Variants in SETD1B observed in about 807,000 individuals in gnomAD.
SETD1B encodes the protein histone-lysine N-methyltransferase SETD1B.
A neutral mutation model predicts 148.0 loss-of-function variants in SETD1B; 7 were observed. That is an observed-to-expected ratio of 0.05 (90% CI 0.03 to 0.09). The LOEUF is 0.09. Among genes scored for constraint, SETD1B ranks in the 10% least tolerant of loss-of-function variants. The pLI is 1.00. For synonymous variants in SETD1B, 1,361 were observed against 1,186.5 expected, an observed-to-expected ratio of 1.15 and a Z score of -3.02; for missense variants, 2,155 against 2,729.9, an observed-to-expected ratio of 0.79 and a Z score of 4.69.
intron 16 of SETD1B, among the ~76,000 whole-genome samples, chr12:121,829,374 C>T (rs1457896933): frequency 1.3e-5 from 2 of 152,176 alleles, no homozygotes; most frequent in Admixed American, 1.3e-4. Flanking sequence ...CGGGACTGAA[C>T]TCACCGGCCC....
Position 121,823,214 on chromosome 12 carries a change from T to C in SETD1B, c.4635T>C (p.Leu1545=), listed in dbSNP as rs1876663491. ...TCCGACCACCAGCAGGGGCCGCCCTTGGAAGGGAACTCCTGCTCCTGCCGG... is the reference window on the plus strand; with the variant it reads ...TCCGACCACCAGCAGGGGCCGCCCTCGGAAGGGAACTCCTGCTCCTGCCGG... ...PLVRPPAGAA[L]GRELLLLPGQ... Residue 1545 remains leucine (L), a synonymous_variant, in exon 12 of 17, where the codon CTT becomes CTC. Transcript: ENST00000604567. The C allele has an allele frequency of 6.5e-7, 1 of 1,549,216 alleles. No individual in the cohort carries two copies. Among genetic ancestry groups the C allele is most frequent in the Non-Finnish European group, 8.7e-7 (1 of 1,146,790 alleles).
chr12:121,831,620 CAAAAAAAAAG>C lies in SETD1B; in HGVS notation c.*1382_*1391del, dbSNP rs977773781. 2.7e-5 allele frequency: 4 copies of C among 148,422 alleles called. No homozygotes were observed. The highest frequency in any genetic ancestry group is 9.9e-5 in the African/African-American group (4 of 40,302). 9.2% of individuals were successfully genotyped at this position (148,422 alleles called of 1,614,324 possible). On this transcript the variant is annotated 3_prime_UTR_variant, in exon 17 of 17. Transcript: ENST00000604567. ...TTTTTTGCTCATTTCTTTGTACTTCCAAAAAAAAAGGAAAAAAAAGACAAAAGCAAGTCCC... is the reference window on the plus strand; with the variant it reads ...TTTTTTGCTCATTTCTTTGTACTTCCGAAAAAAAAGACAAAAGCAAGTCCC...
rs563303610 is a variant in SETD1B at position 121,819,654 on chromosome 12, T to C, written c.3669T>C (p.Pro1223=). The C allele has an allele frequency of 6.4e-7, 1 of 1,551,466 alleles. No homozygotes were observed. Among genetic ancestry groups the C allele is most frequent in the Admixed American group, 2.0e-5 (1 of 50,994 alleles). The change falls in exon 11 of 17, where the codon CCT becomes CCC. Residue 1223 remains proline, a synonymous_variant. Coordinates refer to ENST00000604567, the MANE Select transcript of SETD1B (RefSeq NM_001353345.2). The stretch of plus-strand genomic sequence containing the variant: ...AAGCGGCTCTGGCCCCGGGGGCACC[T>C]GCAGTGGACTCGTTGGGCATGGAAG... The part of the protein sequence containing the change: ...GEEAALAPGA[P]AVDSLGMEEE...
At chr12:121,828,432 C>G (rs1467651595) in intron 16 of SETD1B, among the ~76,000 whole-genome samples, 1 of 152,246 alleles carries the variant, frequency 6.6e-6, no homozygotes, top group Non-Finnish European at 1.5e-5. Flanking sequence ...TCCACTAGAA[C>G]TTTCTGCAAG....
In SETD1B at chr12:121,810,950, A is replaced by T. The variant is rs1055106371; in HGVS notation, c.1890+115A>T. On this transcript the variant is annotated intron_variant, in intron 6 of 16. Transcript: ENST00000604567. The surrounding 1 kb of genome is among the most constrained non-coding windows in gnomAD (Gnocchi z 7.6). Reference sequence around the variant, plus strand: ...AGATGCGGAAGCAATGGGGCTAGGAAAGCCAATATAACAGGTGGAACTTAC... The same window carrying T: ...AGATGCGGAAGCAATGGGGCTAGGATAGCCAATATAACAGGTGGAACTTAC... 5.4e-6 allele frequency: 7 copies of T among 1,285,552 alleles called. No individual in the cohort carries two copies. The African/African-American group carries it at 9.0e-5, about 17-fold the overall frequency. The allele number at this position is 1,285,552 out of a possible 1,614,324, so 79.6% of individuals were successfully genotyped here.
chr12:121,803,559 G>C (rs1256959317), upstream of SETD1B: 2 of 152,072 alleles, frequency 1.3e-5, no homozygotes, highest in Non-Finnish European at 2.9e-5. The surrounding 1 kb of genome is among the most constrained non-coding windows in gnomAD (Gnocchi z 4.7). Flanking sequence ...AGTCGACGCC[G>C]GCCTCCCCCC....
In SETD1B at chr12:121,825,182, C is replaced by A. The variant is rs1362717754; in HGVS notation, c.5171-18C>A. On this transcript the variant is annotated intron_variant, in intron 12 of 16. Coordinates refer to ENST00000604567, the MANE Select transcript of SETD1B (RefSeq NM_001353345.2). Reference sequence around the variant, plus strand: ...AGGGGCTCTCAGAATGTCCATGTGGCCCTTGACCCACACCCACCCACCAGC... The same window carrying A: ...AGGGGCTCTCAGAATGTCCATGTGGACCTTGACCCACACCCACCCACCAGC... 9 of 1,550,348 alleles carry A rather than the reference C, an allele frequency of 5.8e-6. No homozygotes were observed. The highest frequency in any genetic ancestry group is 2.7e-5 in the African/African-American group (2 of 73,098).
intron 15 of SETD1B, 34 bp from the exon 16 acceptor site, chr12:121,827,899 C>A: frequency 6.4e-7 from 1 of 1,552,330 alleles, no homozygotes; most frequent in Non-Finnish European, 8.7e-7. Context: ...GGCATGGGGC[C>A]GGCCCAGCCA....
At position 121,804,639 on chromosome 12, in the gene SETD1B, C is replaced by T. The variant is rs1029831327; in HGVS notation, c.-14-85C>T. 7.4e-6 allele frequency: 9 copies of T among 1,222,582 alleles called. No individual in the cohort carries two copies. Among genetic ancestry groups the T allele is most frequent in the Non-Finnish European group, 1.0e-5 (9 of 879,138 alleles). The allele number at this position is 1,222,582 out of a possible 1,614,324, so 75.7% of individuals were successfully genotyped here. ...TGGCAAGGTGGGAGGGGGTGGGGGC[C>T]TGCCGATTGGATTCTTTCGCGTGTG... On this transcript the variant is annotated intron_variant, in intron 1 of 16. Transcript: ENST00000604567. The surrounding 1 kb of genome is among the most constrained non-coding windows in gnomAD (Gnocchi z 4.6).
the SETD1B span, among the ~76,000 whole-genome samples, chr12:121,792,909 C>G: frequency 5.7e-4 from 87 of 152,370 alleles, no homozygotes; most frequent in African/African-American, 2.0e-3. Context: ...GCTGTGGGCT[C>G]TCAGCACAGA....
intron 15 of SETD1B, 28 bp downstream of exon 15, chr12:121,827,882 C>CG: frequency 6.4e-7 from 1 of 1,553,124 alleles, no homozygotes; most frequent in East Asian, 2.4e-5. Flanking sequence ...GGATGGGCAC[C>CG]GGGGTGGGCA....
Position 121,830,050 on chromosome 12 carries a change from C to G in SETD1B, c.5728-16C>G, listed in dbSNP as rs369462361. The G allele has an allele frequency of 1.5e-4, 227 of 1,545,524 alleles. No homozygotes were observed. The African/African-American group carries it at 2.6e-3, about 18-fold the overall frequency. ...GGGGGACCAGGGGCTCATTCTCCCC[C>G]CCACCTTGCCTGCAGCCCAACTGCT... is the stretch of plus-strand genomic sequence containing the variant. On this transcript the variant is annotated splice_polypyrimidine_tract_variant and intron_variant, in intron 16 of 16. Transcript: ENST00000604567. The surrounding 1 kb of genome is among the most constrained non-coding windows in gnomAD (Gnocchi z 5.7).
At position 121,823,380 on chromosome 12, in the gene SETD1B, C is replaced by A. The variant is rs1486300574; in HGVS notation, c.4801C>A (p.Pro1601Thr). 1 of 1,514,794 alleles carries A rather than the reference C, an allele frequency of 6.6e-7. No individual in the cohort carries two copies. The highest frequency in any genetic ancestry group is 2.1e-5 in the Admixed American group (1 of 47,724). The allele number at this position is 1,514,794 out of a possible 1,614,324, so 93.8% of individuals were successfully genotyped here. Residue 1601 changes from proline to threonine, a missense_variant, in exon 12 of 17, where the codon CCC becomes ACC. This residue lies in a region of SETD1B where 862 missense variants were observed against 873.8 expected (regional missense o/e 0.99). Coordinates refer to ENST00000604567, the MANE Select transcript of SETD1B (RefSeq NM_001353345.2). ...ACCCCCACCTCCCCCACCTGTAGAG[C>A]CCACCAAGCTGCCCTTTAAGGAGCT... ...PPPPPPPPVE[P>T]TKLPFKELDN...
At position 121,804,674 on chromosome 12, in the gene SETD1B, G is replaced by A; in HGVS notation, c.-14-50G>A. 1 of 1,496,944 alleles carries A rather than the reference G, an allele frequency of 6.7e-7. No individual in the cohort carries two copies. Among genetic ancestry groups the A allele is most frequent in the South Asian group, 1.2e-5 (1 of 81,402 alleles). 92.7% of individuals were successfully genotyped at this position (1,496,944 alleles called of 1,614,324 possible). Reference sequence around the variant, plus strand: ...GATTCTTTCGCGTGTGTGTAGAAGCGGCCGCCGCCGCCGCCGCGGCGGAGA... The same window carrying A: ...GATTCTTTCGCGTGTGTGTAGAAGCAGCCGCCGCCGCCGCCGCGGCGGAGA... On this transcript the variant is annotated intron_variant, in intron 1 of 16. Coordinates refer to ENST00000604567, the MANE Select transcript of SETD1B (RefSeq NM_001353345.2). The surrounding 1 kb of genome is among the most constrained non-coding windows in gnomAD (Gnocchi z 4.6).
chr12:121,793,199 A>C, the SETD1B span: 1 of 1,550,760 alleles, frequency 6.4e-7, no homozygotes, highest in Non-Finnish European at 8.7e-7. Flanking sequence ...GCCAACGGTC[A>C]CGCTGGCCGT....
At chr12:121,813,865 C>T (rs1876154749) in intron 6 of SETD1B, among the ~76,000 whole-genome samples, 2 of 152,284 alleles carry the variant, frequency 1.3e-5, no homozygotes, top group East Asian at 3.9e-4. Context: ...GCCTGGCACA[C>T]AGGTACTGAG....
intron 10 of SETD1B, among the ~76,000 whole-genome samples, chr12:121,818,628 C>T (rs1328438664): frequency 6.6e-6 from 1 of 152,080 alleles, no homozygotes; most frequent in African/African-American, 2.4e-5. Flanking sequence ...CAGTGGCTCA[C>T]GCCTGTAATC....
Position 121,810,097 on chromosome 12 carries a change from C to T in SETD1B, c.1152C>T (p.Pro384=), listed in dbSNP as rs74465388. Residue 384 remains proline, a synonymous_variant, in exon 6 of 17, where the codon CCC becomes CCT. Transcript: ENST00000604567. The surrounding 1 kb of genome is among the most constrained non-coding windows in gnomAD (Gnocchi z 7.6). The part of the protein sequence containing the change: ...DSATFAHTPP[P]AQATPAPGFK... ...CCACATTTGCCCACACTCCACCACCCGCCCAAGCAACCCCTGCTCCTGGAT... is the reference window on the plus strand; with the variant it reads ...CCACATTTGCCCACACTCCACCACCTGCCCAAGCAACCCCTGCTCCTGGAT... 8.8e-5 allele frequency: 137 copies of T among 1,550,216 alleles called. No homozygotes were observed. The African/African-American group carries it at 1.1e-3, about 12-fold the overall frequency.
At chr12:121,793,948 G>T in the SETD1B span, 1 of 268,980 alleles carries the variant, frequency 3.7e-6, no homozygotes, top group Non-Finnish European at 6.9e-6. Context: ...AGACCCGATC[G>T]TGGCTGCCCA....
Sources: allele counts gnomAD v4.1 joint callset (sites outside exome capture counted in the v4.1 genomes callset), GRCh38; gene constraint gnomAD v4.1.1; regional missense constraint gnomAD v4.1.1; non-coding constraint Gnocchi (gnomAD v3.1); transcripts MANE v1.5; gene names NCBI Gene and HGNC (gene_info 2026-07-23, HGNC 2026-07-21).